ST8SIA2: variants seen among roughly 807,000 people sequenced by gnomAD.
ST8SIA2 encodes the protein alpha-2,8-sialyltransferase 8B.
ST8SIA2 carries 22 observed loss-of-function variants against 37.6 expected under a neutral mutation model. The ratio of observed to expected loss-of-function variants is 0.58; its 90% CI spans 0.42 to 0.83. The LOEUF is 0.83. ST8SIA2 is among the 40% of genes least tolerant of loss of function. ST8SIA2 has a pLI of 0.00. For synonymous variants in ST8SIA2, 205 were observed against 201.2 expected, an observed-to-expected ratio of 1.02 and a Z score of -0.16; for missense variants, 382 against 484.7, an observed-to-expected ratio of 0.79 and a Z score of 1.99.
intron 1 of ST8SIA2, among the ~76,000 whole-genome samples, chr15:92,416,640 G>C (rs982854803): frequency 1.7e-4 from 26 of 152,132 alleles, no homozygotes; most frequent in Non-Finnish European, 3.4e-4. Flanking sequence ...AGAACGTGCC[G>C]TTGGACCCGC....
At chr15:92,450,415 A>C (rs775913792) in intron 5 of ST8SIA2, among the ~76,000 whole-genome samples, 2 of 152,240 alleles carry the variant, frequency 1.3e-5, no homozygotes, top group Non-Finnish European at 2.9e-5. Flanking sequence ...TCACACTGCT[A>C]TAAAGAAATC....
At chr15:92,405,390 A>G (rs1357792190) in intron 1 of ST8SIA2, among the ~76,000 whole-genome samples, 1 of 152,266 alleles carries the variant, frequency 6.6e-6, no homozygotes, top group African/African-American at 2.4e-5. Context: ...AGAGTTCAGC[A>G]GACGGATGGT....
chr15:92,437,295 A>G (rs1195598578), intron 3 of ST8SIA2, among the ~76,000 whole-genome samples: 1 of 152,188 alleles, frequency 6.6e-6, no homozygotes, highest in Admixed American at 6.5e-5. Flanking sequence ...GGTGATTTAA[A>G]CAGTTCTTTA....
chr15:92,453,103 A>G (rs1418769918), intron 5 of ST8SIA2, among the ~76,000 whole-genome samples: 1 of 152,126 alleles, frequency 6.6e-6, no homozygotes, highest in Non-Finnish European at 1.5e-5. Context: ...TGTAAATTGC[A>G]GATGAGGAGA....
chr15:92,414,888 C>T (rs566312810), intron 1 of ST8SIA2, among the ~76,000 whole-genome samples: 1 of 152,354 alleles, frequency 6.6e-6, no homozygotes, highest in South Asian at 2.1e-4. Context: ...GAGTTAATTT[C>T]TTCCACCCTG....
intron 5 of ST8SIA2, among the ~76,000 whole-genome samples, chr15:92,453,140 GTA>G (rs1051716384): frequency 2.0e-5 from 3 of 152,096 alleles, no homozygotes; most frequent in Non-Finnish European, 2.9e-5. Flanking sequence ...TCAAATCCAC[GTA>G]TATAGGCATC....
In ST8SIA2 at chr15:92,419,502, C is replaced by T. The variant is rs567276823; in HGVS notation, c.99-10547C>T. Among the ~76,000 whole-genome samples the T allele has an allele frequency of 4.6e-5, 7 of 152,266 alleles. No homozygotes were observed. The South Asian group carries it at 6.2e-4, about 14-fold the overall frequency. ...CAGCAACGCAGAGATGAGCAGGACC[C>T]GCATCCTGTGCCTGGCCATGGTCTG... On this transcript the variant is annotated intron_variant, in intron 1 of 5. Coordinates refer to ENST00000268164, the MANE Select transcript of ST8SIA2 (RefSeq NM_006011.4).
At chr15:92,419,132 G>A (rs1231790835) in intron 1 of ST8SIA2, among the ~76,000 whole-genome samples, 1 of 152,142 alleles carries the variant, frequency 6.6e-6, no homozygotes, top group Non-Finnish European at 1.5e-5. Flanking sequence ...AGGAAGGAGG[G>A]AGTGGCCACC....
At chr15:92,439,264 G>A (rs1009510327) in intron 4 of ST8SIA2, among the ~76,000 whole-genome samples, 3 of 147,456 alleles carry the variant, frequency 2.0e-5, no homozygotes, top group Non-Finnish European at 4.5e-5. Flanking sequence ...TTATTACCCT[G>A]TTCTCAAAAT....
chr15:92,446,229 A>G (rs1567221901), intron 5 of ST8SIA2, among the ~76,000 whole-genome samples: 1 of 152,152 alleles, frequency 6.6e-6, no homozygotes, highest in Non-Finnish European at 1.5e-5. Flanking sequence ...TTTATGTTAT[A>G]TTAGGGTTTC....
chr15:92,457,045 T>G (rs1179801100), intron 5 of ST8SIA2, among the ~76,000 whole-genome samples: 1 of 152,204 alleles, frequency 6.6e-6, no homozygotes, highest in Non-Finnish European at 1.5e-5. Flanking sequence ...GCCTCAACAG[T>G]GTTCCCAAAG....
intron 1 of ST8SIA2, among the ~76,000 whole-genome samples, chr15:92,401,244 G>A (rs1289970968): frequency 6.6e-6 from 1 of 152,222 alleles, no homozygotes; most frequent in African/African-American, 2.4e-5. Flanking sequence ...GAGGCACTGT[G>A]GGGTGAGACA....
chr15:92,432,404 G>T (rs1005277440), intron 2 of ST8SIA2, among the ~76,000 whole-genome samples: 4 of 152,184 alleles, frequency 2.6e-5, no homozygotes, highest in African/African-American at 9.7e-5. Context: ...AGCCAGTGGG[G>T]CATGCCAGAA....
At chr15:92,411,411 G>T (rs1301560015) in intron 1 of ST8SIA2, among the ~76,000 whole-genome samples, 1 of 152,152 alleles carries the variant, frequency 6.6e-6, no homozygotes, top group African/African-American at 2.4e-5. Context: ...CCATGGTTAT[G>T]AAGAAGAAAT....
At chr15:92,405,660 G>A (rs2049503321) in intron 1 of ST8SIA2, among the ~76,000 whole-genome samples, 1 of 152,198 alleles carries the variant, frequency 6.6e-6, no homozygotes, top group Non-Finnish European at 1.5e-5. Flanking sequence ...AGCAGATACA[G>A]GGGAAATGGA....
At chr15:92,419,267 G>A (rs146311592) in intron 1 of ST8SIA2, among the ~76,000 whole-genome samples, 1 of 152,214 alleles carries the variant, frequency 6.6e-6, no homozygotes, top group Non-Finnish European at 1.5e-5. Context: ...GAAGAAGCAG[G>A]GGGTGGAGTG....
chr15:92,462,784 C>A (rs1653038574), intron 5 of ST8SIA2, among the ~76,000 whole-genome samples: 1 of 152,166 alleles, frequency 6.6e-6, no homozygotes, highest in African/African-American at 2.4e-5. Context: ...TGTCTTCCCA[C>A]CAAGCCATAA....
chr15:92,463,758 C>T (rs2141854705), intron 5 of ST8SIA2, among the ~76,000 whole-genome samples: 1 of 152,340 alleles, frequency 6.6e-6, no homozygotes, highest in East Asian at 1.9e-4. Context: ...TTGAGCTGTC[C>T]ACGGGCCTGA....
rs1022702985 is a variant in ST8SIA2, at chr15:92,438,761, G to C, written c.548+151G>C. 3.4e-6 allele frequency: 4 copies of C among 1,177,072 alleles called. No homozygotes were observed. In the African/African-American group the frequency reaches 6.2e-5, roughly 18 times the overall value. The allele number at this position is 1,177,072 out of a possible 1,614,324, so 72.9% of individuals were successfully genotyped here. A position where few individuals can be genotyped will look rare whatever the true frequency, so the allele number is the denominator to read the frequency against. ...CATGACTGCTCATCAGAATCACTTG[G>C]GGAGCTTCGCCTCCAATGTCCAGAA... On this transcript the variant is annotated intron_variant, in intron 4 of 5. Coordinates refer to ENST00000268164, the MANE Select transcript of ST8SIA2 (RefSeq NM_006011.4).
Sources: gnomAD v4.1 joint callset for allele counts (sites outside exome capture counted in the v4.1 genomes callset) on GRCh38, gnomAD v4.1.1 for gene constraint, MANE v1.5 for transcripts, NCBI Gene and HGNC (gene_info 2026-07-23, HGNC 2026-07-21) for gene names.